PTPRB: variants seen among roughly 807,000 people sequenced by gnomAD.
PTPRB encodes protein tyrosine phosphatase receptor type B, also known as receptor-type tyrosine-protein phosphatase beta.
PTPRB carries 97 observed loss-of-function variants against 238.1 expected under a neutral mutation model. The observed-to-expected ratio is 0.41, with a 90% CI of 0.35 to 0.48. The LOEUF (loss-of-function observed/expected upper bound fraction) is 0.48. Ranked by LOEUF, PTPRB falls within the 20% of genes least tolerant of loss-of-function variation. The pLI is 0.30. For synonymous variants in PTPRB, 970 were observed against 995.4 expected (o/e 0.97, Z 0.48); for missense variants, 2,292 against 2,681.9 (o/e 0.85, Z 3.21).
In PTPRB at chr12:70,533,806, T is replaced by C. The variant is rs552960307; in HGVS notation, c.6368+682A>G. On this transcript the variant is annotated intron_variant, in intron 31 of 33. Transcript: ENST00000334414. ...ATGTGAGGACACAGCCTTTGTCTGC[T>C]CTGGAGGACACAGTAACAAGGCACC... Among the ~76,000 whole-genome samples the C allele has an allele frequency of 1.2e-4, 19 of 152,266 alleles. No individual in the cohort carries two copies. The South Asian group carries it at 3.9e-3, about 32-fold the overall frequency.
At chr12:70,590,949 T>G (rs1291140004) in intron 7 of PTPRB, among the ~76,000 whole-genome samples, 1 of 148,544 alleles carries the variant, frequency 6.7e-6, no homozygotes, top group African/African-American at 2.5e-5. Flanking sequence ...AGTTTTTTTT[T>G]TTTTTTTTTT....
chr12:70,573,373 G>T (rs1880308973), intron 11 of PTPRB, among the ~76,000 whole-genome samples: 1 of 152,126 alleles, frequency 6.6e-6, no homozygotes, highest in Non-Finnish European at 1.5e-5. Context: ...GTAGGTTATT[G>T]TCAAGGTCCT....
At chr12:70,618,897 C>G (rs1408073665) in intron 3 of PTPRB, among the ~76,000 whole-genome samples, 1 of 152,124 alleles carries the variant, frequency 6.6e-6, no homozygotes, top group Non-Finnish European at 1.5e-5. Context: ...GAGAGCACCA[C>G]AGAGTTTTGA....
intron 16 of PTPRB, among the ~76,000 whole-genome samples, chr12:70,561,586 A>G (rs1218461451): frequency 6.6e-6 from 1 of 152,160 alleles, no homozygotes; most frequent in Non-Finnish European, 1.5e-5. Context: ...AAATGATGAC[A>G]TCTAGGCAAT....
intron 9 of PTPRB, among the ~76,000 whole-genome samples, chr12:70,582,106 CTTATCAT>C (rs1319506499): frequency 6.6e-6 from 1 of 152,098 alleles, no homozygotes; most frequent in Non-Finnish European, 1.5e-5. Context: ...TTTCTTCCAA[CTTATCAT>C]TTAACAAATC....
intron 3 of PTPRB, chr12:70,609,776 T>A: frequency 6.3e-7 from 1 of 1,586,596 alleles, no homozygotes. Flanking sequence ...GCAGGCTCAG[T>A]GTGATCCACA....
chr12:70,612,667 T>TAA (rs11448103), intron 3 of PTPRB, among the ~76,000 whole-genome samples: 16 of 146,780 alleles, frequency 1.1e-4, no homozygotes, highest in South Asian at 6.5e-4. Flanking sequence ...GCAGCTGTCT[T>TAA]AAAAAAAAAA....
rs1871287010 is a variant in PTPRB, at chr12:70,517,545, G to C, written c.*3944C>G. The C allele has an allele frequency of 6.6e-6, 1 of 152,206 alleles. No homozygotes were observed. The highest frequency in any genetic ancestry group is 2.4e-5 in the African/African-American group (1 of 41,452). The allele number at this position is 152,206 out of a possible 1,614,324, so 9.4% of individuals were successfully genotyped here. On this transcript the variant is annotated 3_prime_UTR_variant, in exon 34 of 34. Coordinates refer to ENST00000334414, the MANE Select transcript of PTPRB (RefSeq NM_001109754.4). The stretch of plus-strand genomic sequence containing the variant: ...CCTTCAACTCTTCAGGAATGAGGTA[G>C]GCTTGAGGGCTTGCTCACTGCAACT...
chr12:70,610,563 C>T (rs1884387809), intron 3 of PTPRB, among the ~76,000 whole-genome samples: 13 of 152,050 alleles, frequency 8.5e-5, no homozygotes, highest in Admixed American at 8.5e-4. Flanking sequence ...GAGCTTTTGC[C>T]CTTCTCACTT....
rs1399540285 is a variant in PTPRB at position 70,592,351 on chromosome 12, G to A, written c.1711C>T (p.Leu571Phe). The A allele has an allele frequency of 3.1e-6, 5 of 1,613,888 alleles. No individual in the cohort carries two copies. In the African/African-American group the frequency reaches 6.7e-5, roughly 22 times the overall value. ...ACACAGCTGACAGTAACTTGATAAAGTCGACCGGGGACTAACTCTTTAAAG... is the reference window on the plus strand; with the variant it reads ...ACACAGCTGACAGTAACTTGATAAAATCGACCGGGGACTAACTCTTTAAAG... ...THFKELVPGR[L>F]YQVTVSCVSG... The change falls in exon 7 of 34, where the codon CTT becomes TTT. Residue 571 changes from leucine (L) to phenylalanine (F), a missense_variant. By Grantham distance (22) the Leu-to-Phe change is conservative (BLOSUM62 0). Around this residue, in one of 4 missense-constraint regions of PTPRB, gnomAD observed 1,205 missense variants for 1,287.8 expected, o/e 0.94. Transcript: ENST00000334414.
At chr12:70,608,181 A>G (rs1404149909) in intron 4 of PTPRB, among the ~76,000 whole-genome samples, 1 of 152,228 alleles carries the variant, frequency 6.6e-6, no homozygotes, top group Non-Finnish European at 1.5e-5. Flanking sequence ...AAATTTTAAC[A>G]TAAATTTGAA....
chr12:70,541,667 C>T (rs538744156), intron 22 of PTPRB: 50 of 152,344 alleles, frequency 3.3e-4, no homozygotes, highest in African/African-American at 1.2e-3. Flanking sequence ...CTTTCTGTGT[C>T]TGTGGATTTG....
Position 70,534,562 on chromosome 12 carries a change from C to T in PTPRB, c.6294G>A (p.Leu2098=), listed in dbSNP as rs1873795189. The change falls in exon 31 of 34, where the codon CTG becomes CTA. Residue 2098 remains leucine, a synonymous_variant. Transcript: ENST00000334414. ...CCCTGACAGTTCTCACAAACTGGAT[C>T]AGAGACTGGGTGGTTTCTGGGACTC... ...DHGVPETTQS[L]IQFVRTVRDY... 6.2e-7 allele frequency: 1 copy of T among 1,613,072 alleles called. No individual in the cohort carries two copies. Among genetic ancestry groups the T allele is most frequent in the Admixed American group, 1.7e-5 (1 of 59,924 alleles).
At chr12:70,561,907 C>T (rs957930196) in intron 16 of PTPRB, among the ~76,000 whole-genome samples, 3 of 152,228 alleles carry the variant, frequency 2.0e-5, no homozygotes, top group African/African-American at 7.2e-5. Context: ...TTCACCGTCA[C>T]ATTACAGCAG....
At chr12:70,523,890 A>G (rs1871959196) in intron 33 of PTPRB, among the ~76,000 whole-genome samples, 2 of 150,972 alleles carry the variant, frequency 1.3e-5, no homozygotes, top group Admixed American at 6.6e-5. Flanking sequence ...ATCTCGGCCC[A>G]CTGCAACTTC....
chr12:70,604,235 T>C (rs1245824331), intron 4 of PTPRB, among the ~76,000 whole-genome samples: 1 of 151,996 alleles, frequency 6.6e-6, no homozygotes, highest in Non-Finnish European at 1.5e-5. Context: ...AGCAAGATCC[T>C]GTCTGAAAAA....
chr12:70,631,613 A>C (rs1166274521), intron 2 of PTPRB, among the ~76,000 whole-genome samples: 1 of 152,244 alleles, frequency 6.6e-6, no homozygotes, highest in Non-Finnish European at 1.5e-5. Context: ...TCTGCACAGC[A>C]GAAGAAACTA....
chr12:70,532,341 C>A (rs1050645033), intron 31 of PTPRB, among the ~76,000 whole-genome samples, 171 bp from the exon 32 acceptor site: 21 of 151,480 alleles, frequency 1.4e-4, no homozygotes, highest in African/African-American at 3.6e-4. Context: ...CCCACCCCCC[C>A]ACAGCCTTCT....
chr12:70,624,325 C>T (rs1885078913), intron 2 of PTPRB, among the ~76,000 whole-genome samples: 1 of 152,132 alleles, frequency 6.6e-6, no homozygotes, highest in African/African-American at 2.4e-5. Flanking sequence ...GGCGATCCTA[C>T]TTGTACATCT....
Sources: allele counts gnomAD v4.1 joint callset (sites outside exome capture counted in the v4.1 genomes callset), GRCh38; gene constraint gnomAD v4.1.1; regional missense constraint gnomAD v4.1.1; transcripts MANE v1.5; gene names NCBI Gene and HGNC (gene_info 2026-07-23, HGNC 2026-07-21).